The following NAA50 variants were observed in gnomAD, a reference collection of about 807,000 sequenced individuals.
NAA50 encodes N-alpha-acetyltransferase 50, NatE catalytic subunit.
Under a neutral mutation model 20.7 loss-of-function variants are expected in NAA50, and 7 were observed. The ratio of observed to expected loss-of-function variants is 0.34; its 90% CI spans 0.19 to 0.63. The LOEUF is 0.63. NAA50 is among the 30% of genes least tolerant of loss of function. The pLI, the probability that NAA50 is intolerant of heterozygous loss-of-function variation, is 0.75. For missense variants in NAA50, 111 were observed against 199.1 expected (o/e 0.56, Z 2.66); for synonymous variants, 54 against 70.6 (o/e 0.77, Z 1.18).
chr3:113,743,846 T>C (rs1708454248), intron 1 of NAA50, among the ~76,000 whole-genome samples: 1 of 152,160 alleles, frequency 6.6e-6, no homozygotes, highest in South Asian at 2.1e-4. Context: ...TACATGTAAA[T>C]ACCCATTTTA....
chr3:113,725,927 T>TA (rs539515640), intron 1 of NAA50, among the ~76,000 whole-genome samples: 656 of 152,308 alleles, frequency 4.3e-3, no homozygotes, highest in Middle Eastern at 0.01. Flanking sequence ...GGTAAGGAGT[T>TA]AGAGGCAAAA....
intron 1 of NAA50, among the ~76,000 whole-genome samples, chr3:113,743,168 C>T (rs1708440594): frequency 6.6e-6 from 1 of 152,110 alleles, no homozygotes; most frequent in Non-Finnish European, 1.5e-5. Flanking sequence ...ACTGCTACTA[C>T]TAATAAAAAT....
intron 1 of NAA50, 121 bp downstream of exon 1, chr3:113,745,821 G>C (rs537642159): frequency 1.7e-6 from 2 of 1,211,062 alleles, no homozygotes; most frequent in African/African-American, 1.6e-5. Context: ...GAGAAGCAGA[G>C]AAATCTCCCT....
At chr3:113,727,742 G>GTT (rs896954956) in intron 1 of NAA50, among the ~76,000 whole-genome samples, 41 of 151,700 alleles carry the variant, frequency 2.7e-4, no homozygotes, top group Non-Finnish European at 3.1e-4. Context: ...TTCTATGCGC[G>GTT]TTATATATAT....
chr3:113,740,747 T>C (rs1349220785), intron 1 of NAA50: 1 of 160,316 alleles, frequency 6.2e-6, no homozygotes, highest in Admixed American at 6.5e-5. Flanking sequence ...TTTCTTTTTT[T>C]TTTTTTAAAG....
chr3:113,728,706 T>G (rs150450719), intron 1 of NAA50, among the ~76,000 whole-genome samples: 2 of 152,332 alleles, frequency 1.3e-5, no homozygotes, highest in African/African-American at 4.8e-5. Context: ...CATTCAATCT[T>G]GTAGTTGTGT....
intron 1 of NAA50, among the ~76,000 whole-genome samples, chr3:113,738,691 G>T (rs1289587530): frequency 6.6e-6 from 1 of 152,074 alleles, no homozygotes; most frequent in African/African-American, 2.4e-5. Context: ...ACTAAAACTT[G>T]GTTGCTTTTA....
intron 2 of NAA50, 98 bp downstream of exon 2, chr3:113,723,861 A>G: frequency 2.3e-6 from 3 of 1,324,280 alleles, no homozygotes; most frequent in Non-Finnish European, 3.0e-6. Context: ...TAAAATAAAC[A>G]AACTAAATTA....
chr3:113,730,893 T>A (rs905916638), intron 1 of NAA50, among the ~76,000 whole-genome samples: 8 of 152,122 alleles, frequency 5.3e-5, no homozygotes, highest in Non-Finnish European at 1.2e-4. Flanking sequence ...CATTTACATA[T>A]AAGTTTTGGT....
rs973679911 is a variant in NAA50, at chr3:113,725,305, A to G, written c.9-1210T>C. On this transcript the variant is annotated intron_variant, in intron 1 of 4. Transcript: ENST00000240922. Reference sequence around the variant, plus strand: ...TTTGCCCAAAAAGATGTTGTAGCATATTGTGTTTTGTAGAGAAAAAGCACA... The same window carrying G: ...TTTGCCCAAAAAGATGTTGTAGCATGTTGTGTTTTGTAGAGAAAAAGCACA... Among the ~76,000 whole-genome samples the G allele has an allele frequency of 3.9e-5, 6 of 152,262 alleles. No homozygotes were observed. In the East Asian group the frequency reaches 1.2e-3, roughly 29 times the overall value.
At position 113,718,716 on chromosome 3, in the gene NAA50, C is replaced by A. The variant is rs1233577944; in HGVS notation, c.*3044G>T. The A allele has an allele frequency of 6.6e-6, 1 of 152,190 alleles. No homozygotes were observed. Among genetic ancestry groups the A allele is most frequent in the African/African-American group, 2.4e-5 (1 of 41,448 alleles). 9.4% of individuals were successfully genotyped at this position (152,190 alleles called of 1,614,324 possible). On this transcript the variant is annotated 3_prime_UTR_variant, in exon 5 of 5. Transcript: ENST00000240922. The stretch of plus-strand genomic sequence containing the variant: ...AAGTGTCAAGTATTTCTAATAATTA[C>A]ATTAAAAATACAGCAGCAAGACAGT...
At chr3:113,731,727 T>A (rs1708276212) in intron 1 of NAA50, among the ~76,000 whole-genome samples, 2 of 152,200 alleles carry the variant, frequency 1.3e-5, no homozygotes, top group African/African-American at 4.8e-5. Flanking sequence ...AGAAAAGTGA[T>A]CTTTTGCACT....
At chr3:113,724,326 G>A (rs1181919672) in intron 1 of NAA50, among the ~76,000 whole-genome samples, 2 of 152,068 alleles carry the variant, frequency 1.3e-5, no homozygotes, top group African/African-American at 4.8e-5. Flanking sequence ...GGTACACAAC[G>A]ACTACTACAA....
chr3:113,728,781 T>A (rs1708232629), intron 1 of NAA50, among the ~76,000 whole-genome samples: 1 of 152,202 alleles, frequency 6.6e-6, no homozygotes, highest in African/African-American at 2.4e-5. Context: ...GAACTCTACA[T>A]TCCTAGATCC....
rs1402230189 is a variant in NAA50, at chr3:113,718,588, CAA to C, written c.*3170_*3171del. On this transcript the variant is annotated 3_prime_UTR_variant, in exon 5 of 5. Coordinates refer to ENST00000240922, the MANE Select transcript of NAA50 (RefSeq NM_025146.4). ...GATAAAAAGCTTAAAAGCCAATTCC[CAA>C]CTCATTGAACTACCGTACTCCTTCC... 2 of 152,130 alleles carry C rather than the reference CAA, an allele frequency of 1.3e-5. No individual in the cohort carries two copies. The highest frequency in any genetic ancestry group is 2.4e-5 in the African/African-American group (1 of 41,418). The allele number at this position is 152,130 out of a possible 1,614,324, so 9.4% of individuals were successfully genotyped here. A position where few individuals can be genotyped will look rare whatever the true frequency, so the allele number is the denominator to read the frequency against.
Position 113,721,952 on chromosome 3 carries a change from A to G in NAA50, c.333-15T>C. ...TCTGGACATGCCTGAGATATAAGAG[A>G]GTATCAGAAAAAAAATTAAAATTAA... is the stretch of plus-strand genomic sequence containing the variant. On this transcript the variant is annotated splice_polypyrimidine_tract_variant and intron_variant, in intron 4 of 4. Coordinates refer to ENST00000240922, the MANE Select transcript of NAA50 (RefSeq NM_025146.4). The G allele has an allele frequency of 6.3e-7, 1 of 1,591,848 alleles. No homozygotes were observed. Among genetic ancestry groups the G allele is most frequent in the Non-Finnish European group, 8.5e-7 (1 of 1,171,962 alleles).
intron 3 of NAA50, 146 bp from the exon 4 acceptor site, chr3:113,723,118 T>C (rs1005594106): frequency 1.7e-6 from 2 of 1,187,134 alleles, no homozygotes; most frequent in Admixed American, 6.7e-5. Flanking sequence ...CAAAGTTGTG[T>C]TCTCTCTCTA....
chr3:113,740,143 G>T (rs1708395273), intron 1 of NAA50, among the ~76,000 whole-genome samples: 1 of 151,446 alleles, frequency 6.6e-6, no homozygotes, highest in South Asian at 2.1e-4. Flanking sequence ...CATTTACAAG[G>T]GGAAGAAATC....
chr3:113,736,780 T>C (rs941586547), intron 1 of NAA50, among the ~76,000 whole-genome samples: 4 of 152,166 alleles, frequency 2.6e-5, no homozygotes, highest in African/African-American at 9.7e-5. Flanking sequence ...AGCCTCAGCC[T>C]CCTGAGCTAT....
Sources: gnomAD v4.1 joint callset for allele counts (sites outside exome capture counted in the v4.1 genomes callset) on GRCh38, gnomAD v4.1.1 for gene constraint, MANE v1.5 for transcripts, NCBI Gene and HGNC (gene_info 2026-07-23, HGNC 2026-07-21) for gene names.